The following ZNF587B variants were observed in gnomAD, a reference collection of about 807,000 sequenced individuals.
ZNF587B encodes the protein zinc finger protein 587B.
Under a neutral mutation model 7.2 loss-of-function variants are expected in ZNF587B, and 6 were observed. That is an observed-to-expected ratio of 0.83 (90% CI 0.46 to 1.65). The LOEUF (loss-of-function observed/expected upper bound fraction) is 1.65, where lower values mean the gene tolerates loss of function less well. Among genes scored for constraint, ZNF587B ranks in the 40% most tolerant of loss-of-function variants. ZNF587B has a pLI of 0.01. For missense variants in ZNF587B, 749 were observed against 761.0 expected (o/e 0.98, Z 0.19); for synonymous variants, 274 against 254.3 (o/e 1.08, Z -0.74).
intron 1 of ZNF587B, among the ~76,000 whole-genome samples, chr19:57,838,474 G>A (rs564070068): frequency 1.3e-5 from 2 of 151,588 alleles, no homozygotes; most frequent in Non-Finnish European, 2.9e-5. Flanking sequence ...GGTGGCGGGT[G>A]CCTGTAGCCC....
chr19:57,831,855 C>T (rs1988415084), intron 1 of ZNF587B, among the ~76,000 whole-genome samples: 1 of 151,744 alleles, frequency 6.6e-6, no homozygotes, highest in Non-Finnish European at 1.5e-5. Context: ...CAGACACCCG[C>T]CACCATGCCC....
rs531107494 is a variant in ZNF587B at position 57,843,279 on chromosome 19, A to T, written c.*703A>T. 2.4e-4 allele frequency: 234 copies of T among 985,050 alleles called. No homozygotes were observed. The highest frequency in any genetic ancestry group is 6.2e-4 in the Admixed American group (10 of 16,260). 61.0% of individuals were successfully genotyped at this position (985,050 alleles called of 1,614,324 possible). ...AGTGCTGAGATTGTAGGTTTGAGTC[A>T]CTGTGCTCAGCCAATTATGTTTTTC... On this transcript the variant is annotated 3_prime_UTR_variant, in exon 3 of 3. Coordinates refer to ENST00000594901, the MANE Select transcript of ZNF587B (RefSeq NM_001376223.1).
rs753340982 is a variant in ZNF587B at position 57,841,860 on chromosome 19, C to T, written c.1186C>T (p.His396Tyr). The change falls in exon 3 of 3, where the codon CAC (histidine) becomes TAC (tyrosine). Residue 396 changes from histidine to tyrosine, a missense_variant. His to Tyr is a moderately conservative substitution (Grantham distance 83, BLOSUM62 2). Around this residue, in one of 3 missense-constraint regions of ZNF587B, gnomAD observed 656 missense variants for 596.5 expected, o/e 1.10. Transcript: ENST00000594901. ...ECGKSYISKG[H>Y]LRIHQRMHTG... ...TGGGAAATCTTATATTTCAAAGGGG[C>T]ACCTTAGGATCCATCAGCGCATGCA... 1.8e-5 allele frequency: 29 copies of T among 1,612,036 alleles called. No homozygotes were observed. The highest frequency in any genetic ancestry group is 2.0e-5 in the Non-Finnish European group (24 of 1,179,494).
At chr19:57,834,811 C>T (rs1287214521) in intron 1 of ZNF587B, among the ~76,000 whole-genome samples, 1 of 126,412 alleles carries the variant, frequency 7.9e-6, no homozygotes, top group Non-Finnish European at 1.7e-5. Flanking sequence ...CACTACTGGA[C>T]TCCAGCCCTG....
At chr19:57,831,094 G>A (rs1056175291) in intron 1 of ZNF587B, among the ~76,000 whole-genome samples, 9 of 152,326 alleles carry the variant, frequency 5.9e-5, no homozygotes, top group Non-Finnish European at 1.2e-4. Context: ...TGCGGATATA[G>A]CTCGCCACAG....
intron 1 of ZNF587B, among the ~76,000 whole-genome samples, chr19:57,836,275 T>A: frequency 6.6e-6 from 1 of 152,172 alleles, no homozygotes; most frequent in Non-Finnish European, 1.5e-5. Flanking sequence ...AAGGAGGTCC[T>A]CACAGAATTA....
rs748608272 is a variant in ZNF587B, at chr19:57,841,734, T to C, written c.1060T>C (p.Tyr354His). ...HQRIHTGERP[Y>H]KCGECEKSFS... ...GCGCATTCACACTGGAGAGAGACCT[T>C]ACAAGTGTGGAGAATGTGAGAAATC... The change falls in exon 3 of 3, where the codon TAC becomes CAC. Residue 354 changes from tyrosine to histidine, a missense_variant. Coordinates refer to ENST00000594901, the MANE Select transcript of ZNF587B (RefSeq NM_001376223.1). The C allele has an allele frequency of 1.9e-6, 3 of 1,608,480 alleles. No individual in the cohort carries two copies. Among genetic ancestry groups the C allele is most frequent in the African/African-American group, 2.7e-5 (2 of 74,800 alleles).
In ZNF587B at chr19:57,841,523, C is replaced by T. The variant is rs1272822993; in HGVS notation, c.849C>T (p.Ser283=). 2.5e-6 allele frequency: 4 copies of T among 1,582,742 alleles called. No homozygotes were observed. Among genetic ancestry groups the T allele is most frequent in the African/African-American group, 2.7e-5 (2 of 73,936 alleles). Residue 283 remains serine, a synonymous_variant, in exon 3 of 3, where the codon AGC becomes AGT. Coordinates refer to ENST00000594901, the MANE Select transcript of ZNF587B (RefSeq NM_001376223.1). ...GTGAGAAATCTTTTAGTCAAAAGAG[C>T]AGCCTCATTCAACATCAGCAATTTC... is the stretch of plus-strand genomic sequence containing the variant. ...GECEKSFSQK[S]SLIQHQQFHT...
Position 57,844,426 on chromosome 19 carries a change from C to A in ZNF587B, c.*1850C>A. ...TGAGGCAGGAAAATTGCTTGAACCCCGGGAGGTAGAGGTTGCAGTGAGCTG... is the reference window on the plus strand; with the variant it reads ...TGAGGCAGGAAAATTGCTTGAACCCAGGGAGGTAGAGGTTGCAGTGAGCTG... On this transcript the variant is annotated 3_prime_UTR_variant, in exon 3 of 3. Transcript: ENST00000594901. 1 of 282,892 alleles carries A rather than the reference C, an allele frequency of 3.5e-6. No individual in the cohort carries two copies. The highest frequency in any genetic ancestry group is 7.0e-6 in the Non-Finnish European group (1 of 142,178). 17.5% of individuals were successfully genotyped at this position (282,892 alleles called of 1,614,324 possible). A position where few individuals can be genotyped will look rare whatever the true frequency, so the allele number is the denominator to read the frequency against.
In ZNF587B at chr19:57,843,982, C is replaced by G. The variant is rs189291978; in HGVS notation, c.*1406C>G. Among the ~76,000 whole-genome samples, 1 of 152,068 alleles carries G rather than the reference C, an allele frequency of 6.6e-6. No homozygotes were observed. Among genetic ancestry groups the G allele is most frequent in the African/African-American group, 2.4e-5 (1 of 41,398 alleles). ...CAGTCTGGTCTCAAACTGCTGGTCTCGAGTGATCCTTCTGCCTGGCTTCCC... is the reference window on the plus strand; with the variant it reads ...CAGTCTGGTCTCAAACTGCTGGTCTGGAGTGATCCTTCTGCCTGGCTTCCC... On this transcript the variant is annotated 3_prime_UTR_variant, in exon 3 of 3. Coordinates refer to ENST00000594901, the MANE Select transcript of ZNF587B (RefSeq NM_001376223.1).
chr19:57,843,603 T>TTTG lies in ZNF587B; in HGVS notation c.*1029_*1030insGTT. ...GGTTGGTTGGTTGTTTTTTTTTGTTTTTTTTTTTTTTTTTTTTGGAGACAA... is the reference window on the plus strand; with the variant it reads ...GGTTGGTTGGTTGTTTTTTTTTGTTTTTGTTTTTTTTTTTTTTTTTGGAGACAA... On this transcript the variant is annotated 3_prime_UTR_variant, in exon 3 of 3. Transcript: ENST00000594901. 1.2e-6 allele frequency: 1 copy of TTTG among 816,960 alleles called. No individual in the cohort carries two copies. The highest frequency in any genetic ancestry group is 1.5e-6 in the Non-Finnish European group (1 of 685,660). The allele number at this position is 816,960 out of a possible 1,614,324, so 50.6% of individuals were successfully genotyped here.
chr19:57,842,704 C>A lies in ZNF587B; in HGVS notation c.*128C>A. On this transcript the variant is annotated 3_prime_UTR_variant, in exon 3 of 3. Transcript: ENST00000594901. ...TGCTCTCCTTGGACATTGGAGAGTT[C>A]ACACCAGAGAAAAGTCCTTACAAGT... The A allele has an allele frequency of 7.7e-7, 1 of 1,302,552 alleles. No individual in the cohort carries two copies. The highest frequency in any genetic ancestry group is 9.7e-7 in the Non-Finnish European group (1 of 1,030,070). 80.7% of individuals were successfully genotyped at this position (1,302,552 alleles called of 1,614,324 possible).
rs780196347 is a variant in ZNF587B, at chr19:57,842,119, T to G, written c.1445T>G (p.Leu482Arg). The change falls in exon 3 of 3, where the codon CTT (leucine) becomes CGT (arginine). Residue 482 changes from leucine (L) to arginine (R), a missense_variant. Coordinates refer to ENST00000594901, the MANE Select transcript of ZNF587B (RefSeq NM_001376223.1). ...GKLFKKKSHLLVHQRIHSGEK... is the reference protein window; with the variant it reads ...GKLFKKKSHLRVHQRIHSGEK... Reference sequence around the variant, plus strand: ...TTATTTAAGAAGAAGTCTCACCTCCTTGTACACCAGAGAATTCACAGTGGA... The same window carrying G: ...TTATTTAAGAAGAAGTCTCACCTCCGTGTACACCAGAGAATTCACAGTGGA... 6.2e-7 allele frequency: 1 copy of G among 1,609,398 alleles called. No individual in the cohort carries two copies. The highest frequency in any genetic ancestry group is 2.2e-5 in the East Asian group (1 of 44,738).
chr19:57,837,153 C>T (rs1384978899), intron 1 of ZNF587B, among the ~76,000 whole-genome samples: 3 of 152,140 alleles, frequency 2.0e-5, no homozygotes, highest in African/African-American at 7.2e-5. Flanking sequence ...TCTTACAAAG[C>T]TTGCATGCCA....
At chr19:57,838,258 C>G (rs1377581195) in intron 1 of ZNF587B, among the ~76,000 whole-genome samples, 1 of 150,250 alleles carries the variant, frequency 6.7e-6, no homozygotes, top group Non-Finnish European at 1.5e-5. Context: ...TGCAGTGAGT[C>G]TAGATCGTGT....
Position 57,840,615 on chromosome 19 carries a change from G to T in ZNF587B, c.164-223G>T, listed in dbSNP as rs2562050. The stretch of plus-strand genomic sequence containing the variant: ...TGTAGACCCTGCCTCTACTCCCTGT[G>T]TTACATACATGGTTGTGTCCTTTAA... On this transcript the variant is annotated intron_variant, in intron 2 of 2. Coordinates refer to ENST00000594901, the MANE Select transcript of ZNF587B (RefSeq NM_001376223.1). 9.0e-3 allele frequency among the ~76,000 whole-genome samples: 1,374 copies of T among 152,222 alleles called. 11 individuals carry two copies. Among genetic ancestry groups the T allele is most frequent in the Non-Finnish European group, 0.015 (1,032 of 68,006 alleles).
At position 57,839,225 on chromosome 19, in the gene ZNF587B, C is replaced by G. The variant is rs941159262; in HGVS notation, c.163+76C>G. ...TGTCTTTCCCCATTGGCAAGACTTTCTCATGTCAGGAGCATGGACACAGCT... is the reference window on the plus strand; with the variant it reads ...TGTCTTTCCCCATTGGCAAGACTTTGTCATGTCAGGAGCATGGACACAGCT... On this transcript the variant is annotated intron_variant, in intron 2 of 2. Transcript: ENST00000594901. The G allele has an allele frequency of 2.3e-5, 36 of 1,586,032 alleles. No individual in the cohort carries two copies. In the African/African-American group the frequency reaches 4.3e-4, roughly 19 times the overall value.
chr19:57,833,121 TCTC>T (rs1393219778), intron 1 of ZNF587B, among the ~76,000 whole-genome samples: 2 of 152,278 alleles, frequency 1.3e-5, no homozygotes, highest in Admixed American at 6.5e-5. Flanking sequence ...CTTATGTCCT[TCTC>T]CTTAGGACGG....
rs773826365 is a variant in ZNF587B, at chr19:57,839,195, T to C, written c.163+46T>C. 2.5e-6 allele frequency: 4 copies of C among 1,607,316 alleles called. No homozygotes were observed. In the South Asian group the frequency reaches 4.4e-5, roughly 18 times the overall value. On this transcript the variant is annotated intron_variant, in intron 2 of 2. Coordinates refer to ENST00000594901, the MANE Select transcript of ZNF587B (RefSeq NM_001376223.1). ...CTGTGACTTGAGCTAGTCTCTGTTTTCCCCTGTCTTTCCCCATTGGCAAGA... is the reference window on the plus strand; with the variant it reads ...CTGTGACTTGAGCTAGTCTCTGTTTCCCCCTGTCTTTCCCCATTGGCAAGA...
Sources: gnomAD v4.1 joint callset for allele counts (sites outside exome capture counted in the v4.1 genomes callset) on GRCh38, gnomAD v4.1.1 for gene constraint, gnomAD v4.1.1 regional missense constraint, MANE v1.5 for transcripts, NCBI Gene and HGNC (gene_info 2026-07-23, HGNC 2026-07-21) for gene names.